Variants in FHIT observed in about 807,000 individuals in gnomAD.
FHIT encodes the protein bis(5'-adenosyl)-triphosphatase.
A neutral mutation model predicts 17.9 loss-of-function variants in FHIT; 19 were observed. That is an observed-to-expected ratio of 1.06 (90% confidence interval 0.74 to 1.56). The LOEUF is 1.56. Among genes scored for constraint, FHIT ranks in the 40% most tolerant of loss-of-function variants. The pLI is 0.00. For missense variants in FHIT, 248 were observed against 189.2 expected (o/e 1.31, Z -1.82); for synonymous variants, 81 against 69.7 (o/e 1.16, Z -0.81).
At chr3:60,104,971 T>C (rs571150488) in intron 5 of FHIT, among the ~76,000 whole-genome samples, 75 of 152,278 alleles carry the variant, frequency 4.9e-4, no homozygotes, top group African/African-American at 1.7e-3. Context: ...TAGTATACTT[T>C]AAAATAAAAT....
intron 7 of FHIT, among the ~76,000 whole-genome samples, chr3:59,930,811 A>G (rs1705933849): frequency 6.6e-6 from 1 of 152,172 alleles, no homozygotes; most frequent in Admixed American, 6.5e-5. Flanking sequence ...AAGCAATGGC[A>G]GGGCTGGGAC....
At chr3:60,238,463 A>AT (rs10646479) in intron 5 of FHIT, among the ~76,000 whole-genome samples, 11 of 151,520 alleles carry the variant, frequency 7.3e-5, no homozygotes, top group Non-Finnish European at 1.2e-4. Flanking sequence ...AAAAAAAAAA[A>AT]AGTCACAGCA....
chr3:61,215,800 T>C (rs1278893995), intron 1 of FHIT, among the ~76,000 whole-genome samples: 1 of 152,156 alleles, frequency 6.6e-6, no homozygotes, highest in Non-Finnish European at 1.5e-5. Flanking sequence ...AACAGAGATA[T>C]AGATCAATGG....
chr3:60,354,104 T>A lies in FHIT; in HGVS notation c.103+182756A>T, dbSNP rs115743273. ...ATATAAAAAATGGTATGTGATACAATAGACTCCTATGCTATAATTAATTTT... is the reference window on the plus strand; with the variant it reads ...ATATAAAAAATGGTATGTGATACAAAAGACTCCTATGCTATAATTAATTTT... On this transcript the variant is annotated intron_variant, in intron 5 of 9. Coordinates refer to ENST00000492590, the MANE Select transcript of FHIT (RefSeq NM_002012.4). Among the ~76,000 whole-genome samples the A allele has an allele frequency of 9.7e-3, 1,481 of 152,222 alleles. 28 individuals are homozygous for A. The highest frequency in any genetic ancestry group is 0.034 in the African/African-American group (1,394 of 41,528).
At chr3:60,752,290 A>C (rs1299727465) in intron 4 of FHIT, among the ~76,000 whole-genome samples, 2 of 152,230 alleles carry the variant, frequency 1.3e-5, no homozygotes, top group Non-Finnish European at 2.9e-5. Flanking sequence ...AAGAACTTAC[A>C]CAAATTACAC....
At chr3:60,264,171 A>C (rs1468202604) in intron 5 of FHIT, among the ~76,000 whole-genome samples, 2 of 151,980 alleles carry the variant, frequency 1.3e-5, no homozygotes, top group African/African-American at 2.4e-5. Context: ...CTTGCTTTTC[A>C]TCACTTAAAT....
At chr3:60,603,883 T>C (rs2038523851) in intron 4 of FHIT, among the ~76,000 whole-genome samples, 1 of 152,166 alleles carries the variant, frequency 6.6e-6, no homozygotes, top group African/African-American at 2.4e-5. Flanking sequence ...TAACATTTCC[T>C]GAGCATTTGC....
intron 4 of FHIT, among the ~76,000 whole-genome samples, chr3:60,672,978 A>G (rs1211982841): frequency 6.6e-6 from 1 of 151,078 alleles, no homozygotes; most frequent in African/African-American, 2.4e-5. Flanking sequence ...ATATTATACT[A>G]TCTCATGTAA....
At chr3:60,028,055 G>A (rs147231785) in intron 5 of FHIT, among the ~76,000 whole-genome samples, 1 of 152,028 alleles carries the variant, frequency 6.6e-6, no homozygotes, top group Non-Finnish European at 1.5e-5. Flanking sequence ...CTATTACATT[G>A]TACAGTTCAT....
At chr3:60,765,356 A>G in intron 4 of FHIT, among the ~76,000 whole-genome samples, 1 of 152,238 alleles carries the variant, frequency 6.6e-6, no homozygotes, top group East Asian at 1.9e-4. Flanking sequence ...TAGATGTTCA[A>G]AATGTGAACC....
chr3:61,185,828 T>C (rs754993787), intron 2 of FHIT, among the ~76,000 whole-genome samples: 12 of 152,204 alleles, frequency 7.9e-5, no homozygotes, highest in Non-Finnish European at 1.5e-4. Context: ...TTCTCTTAGC[T>C]GAACTGGTTT....
intron 5 of FHIT, among the ~76,000 whole-genome samples, chr3:60,267,549 T>G (rs1012598839): frequency 6.6e-6 from 1 of 152,118 alleles, no homozygotes; most frequent in Non-Finnish European, 1.5e-5. Context: ...AGATGCAGCA[T>G]GTTTATCCTA....
intron 1 of FHIT, among the ~76,000 whole-genome samples, chr3:61,226,802 C>A (rs1466226138): frequency 6.6e-6 from 1 of 152,272 alleles, no homozygotes; most frequent in Middle Eastern, 3.4e-3. Flanking sequence ...TATACCCTTA[C>A]ATGACTTTTT....
intron 9 of FHIT, chr3:59,749,993 C>T (rs147310484): frequency 1.8e-5 from 4 of 223,146 alleles, no homozygotes; most frequent in East Asian, 6.5e-5. Context: ...GTGCACAAAA[C>T]CTTTAAAGAG....
At chr3:59,955,148 A>C (rs1414833479) in intron 7 of FHIT, among the ~76,000 whole-genome samples, 1 of 152,208 alleles carries the variant, frequency 6.6e-6, no homozygotes, top group African/African-American at 2.4e-5. Context: ...AGATTCAGTG[A>C]GATCATGTAC....
chr3:60,934,885 T>C (rs781803958), intron 3 of FHIT, among the ~76,000 whole-genome samples: 1 of 152,104 alleles, frequency 6.6e-6, no homozygotes, highest in Admixed American at 6.6e-5. Context: ...AGGTAACAAA[T>C]GCCAGATGAG....
chr3:60,106,833 A>G (rs1704438093), intron 5 of FHIT, among the ~76,000 whole-genome samples: 1 of 152,202 alleles, frequency 6.6e-6, no homozygotes, highest in Non-Finnish European at 1.5e-5. Flanking sequence ...ATCCAGCTCC[A>G]ATCATACAGT....
chr3:59,765,209 T>C (rs1701735172), intron 8 of FHIT, among the ~76,000 whole-genome samples: 1 of 152,246 alleles, frequency 6.6e-6, no homozygotes, highest in Non-Finnish European at 1.5e-5. Context: ...CTCAAGGGTT[T>C]AAAGGAGTTT....
chr3:60,692,076 T>C (rs1408028233), intron 4 of FHIT, among the ~76,000 whole-genome samples: 3 of 152,232 alleles, frequency 2.0e-5, no homozygotes, highest in African/African-American at 4.8e-5. Context: ...ACAAAACTTA[T>C]ATCCTAATTT....
Sources: allele counts gnomAD v4.1 joint callset (sites outside exome capture counted in the v4.1 genomes callset), GRCh38; gene constraint gnomAD v4.1.1; transcripts MANE v1.5; gene names NCBI Gene and HGNC (gene_info 2026-07-23, HGNC 2026-07-21).